UST: variants seen among roughly 807,000 people sequenced by gnomAD.
The protein encoded by UST is chondroitin sulfate 2-O-sulfotransferase.
In UST, 21 loss-of-function variants were observed where a neutral mutation model predicts 45.6. The observed-to-expected ratio is 0.46, with a 90% CI of 0.33 to 0.66. UST has a LOEUF of 0.66. UST is among the 30% of genes least tolerant of loss of function. The probability of loss-of-function intolerance (pLI) is 0.02; values close to 1 mark genes in which losing one functional copy is unlikely to be tolerated. For missense variants in UST, 463 were observed against 512.4 expected, an observed-to-expected ratio of 0.90 and a Z score of 0.93; for synonymous variants, 215 against 200.6, an observed-to-expected ratio of 1.07 and a Z score of -0.61.
In UST at chr6:148,934,270, C is replaced by T. The variant is rs1415196810; in HGVS notation, c.292-7009C>T. 6.6e-6 allele frequency among the ~76,000 whole-genome samples: 1 copy of T among 152,144 alleles called. No individual in the cohort carries two copies. The highest frequency in any genetic ancestry group is 1.5e-5 in the Non-Finnish European group (1 of 68,040). ...TATGGACAGTGAGGAACAGAATTGT[C>T]CCTGAATTCAGGCCTTGCACAGCCC... On this transcript the variant is annotated intron_variant, in intron 2 of 7. Transcript: ENST00000367463. This position sits in a 1 kb window ranked among gnomAD's most constrained non-coding sequence, Gnocchi z 4.1.
At chr6:149,024,634 A>C (rs1190456173) in intron 7 of UST, among the ~76,000 whole-genome samples, 1 of 152,154 alleles carries the variant, frequency 6.6e-6, no homozygotes, top group Non-Finnish European at 1.5e-5. Flanking sequence ...ACCACAACTG[A>C]GTTGGTGTCA....
chr6:148,799,423 C>T (rs1250176478), intron 1 of UST, among the ~76,000 whole-genome samples: 1 of 152,040 alleles, frequency 6.6e-6, no homozygotes, highest in East Asian at 1.9e-4. Context: ...GTTTTTGGCC[C>T]AAAGTGGTCA....
intron 1 of UST, among the ~76,000 whole-genome samples, chr6:148,785,408 G>A (rs1351360599): frequency 6.6e-6 from 1 of 152,118 alleles, no homozygotes; most frequent in Admixed American, 6.5e-5. Flanking sequence ...ATACAAATGA[G>A]GACTATGATA....
chr6:148,867,167 A>G (rs991683683), intron 1 of UST, among the ~76,000 whole-genome samples: 2 of 152,074 alleles, frequency 1.3e-5, no homozygotes, highest in African/African-American at 4.8e-5. Flanking sequence ...GTAGAGAAAA[A>G]TCTGTGAAAC....
At chr6:148,972,482 G>A (rs892143445) in intron 5 of UST, among the ~76,000 whole-genome samples, 1 of 152,246 alleles carries the variant, frequency 6.6e-6, no homozygotes, top group African/African-American at 2.4e-5. Context: ...CTTGGGTACA[G>A]TAAAGTGTTT....
intron 1 of UST, among the ~76,000 whole-genome samples, chr6:148,835,903 G>A (rs1411870668): frequency 6.6e-6 from 1 of 152,162 alleles, no homozygotes; most frequent in African/African-American, 2.4e-5. Flanking sequence ...ATTTAAAGAT[G>A]GGTATGTGTT....
intron 1 of UST, among the ~76,000 whole-genome samples, chr6:148,827,725 T>TAAA (rs200443668): frequency 1.1e-4 from 13 of 118,354 alleles, no homozygotes; most frequent in African/African-American, 3.9e-4. Context: ...TTCTAGTTTG[T>TAAA]AAAAAAAAAA....
chr6:148,815,816 T>C (rs1189385078), intron 1 of UST, among the ~76,000 whole-genome samples: 1 of 152,194 alleles, frequency 6.6e-6, no homozygotes, highest in Non-Finnish European at 1.5e-5. Flanking sequence ...AAATAGTTGA[T>C]TATATGAACT....
At chr6:148,860,010 G>GT (rs981664165) in intron 1 of UST, among the ~76,000 whole-genome samples, 4 of 152,248 alleles carry the variant, frequency 2.6e-5, no homozygotes, top group Non-Finnish European at 4.4e-5. Flanking sequence ...CTTTAAAGTA[G>GT]TTTTTTTCCA....
intron 7 of UST, among the ~76,000 whole-genome samples, chr6:149,041,312 C>G (rs1776310751): frequency 6.6e-6 from 1 of 152,258 alleles, no homozygotes; most frequent in Admixed American, 6.5e-5. Flanking sequence ...GGGCAAAGAA[C>G]ACCTCCTCTT....
intron 1 of UST, among the ~76,000 whole-genome samples, chr6:148,788,632 A>C (rs62428490): frequency 0.079 from 12,073 of 152,256 alleles, 683 homozygotes; most frequent in Non-Finnish European, 0.12. Context: ...AAAATGATCC[A>C]AAATGTTGAC....
intron 1 of UST, among the ~76,000 whole-genome samples, chr6:148,874,864 T>C (rs1778619393): frequency 6.6e-6 from 1 of 152,140 alleles, no homozygotes; most frequent in Non-Finnish European, 1.5e-5. Context: ...CGGTGGAAAG[T>C]GTGGCATTAG....
chr6:148,796,623 C>CAA lies in UST; in HGVS notation c.247+48969_247+48970dup, dbSNP rs11465084. On this transcript the variant is annotated intron_variant, in intron 1 of 7. Coordinates refer to ENST00000367463, the MANE Select transcript of UST (RefSeq NM_005715.3). Reference sequence around the variant, plus strand: ...TGGACGACAGGGCAAGACTCTGTCTCAAAAAAAAAAAAAAAAAAAAAAAAG... The same window carrying CAA: ...TGGACGACAGGGCAAGACTCTGTCTCAAAAAAAAAAAAAAAAAAAAAAAAAAG... Among the ~76,000 whole-genome samples, 652 of 88,616 alleles carry CAA rather than the reference C, an allele frequency of 7.4e-3. 40 individuals carry two copies. The highest frequency in any genetic ancestry group is 9.0e-3 in the Non-Finnish European group (422 of 46,744). The allele number at this position is 88,616 out of a possible 152,430, so 58.1% of individuals were successfully genotyped here. A position where few individuals can be genotyped will look rare whatever the true frequency, so the allele number is the denominator to read the frequency against.
chr6:148,996,423 T>C (rs1781453669), intron 5 of UST, among the ~76,000 whole-genome samples: 2 of 152,214 alleles, frequency 1.3e-5, no homozygotes, highest in Non-Finnish European at 2.9e-5. Context: ...TTTGCCATGT[T>C]GGCCAAGCTG....
Position 149,074,399 on chromosome 6 carries a change from G to A in UST, c.*283G>A, listed in dbSNP as rs1287844405. ...AGCTTTCCCCCACCCCATATCATGG[G>A]AAAAGGGGGAGAAATATAGCCCCTA... On this transcript the variant is annotated 3_prime_UTR_variant, in exon 8 of 8. Coordinates refer to ENST00000367463, the MANE Select transcript of UST (RefSeq NM_005715.3). The A allele has an allele frequency of 4.7e-6, 2 of 430,100 alleles. No homozygotes were observed. Among genetic ancestry groups the A allele is most frequent in the Non-Finnish European group, 8.3e-6 (2 of 240,226 alleles). 26.6% of individuals were successfully genotyped at this position (430,100 alleles called of 1,614,324 possible). A position where few individuals can be genotyped will look rare whatever the true frequency, so the allele number is the denominator to read the frequency against.
intron 2 of UST, among the ~76,000 whole-genome samples, chr6:148,935,750 G>T (rs150763440): frequency 4.6e-5 from 7 of 152,306 alleles, no homozygotes; most frequent in African/African-American, 1.7e-4. Flanking sequence ...TCAGGGGAAG[G>T]AGGGAAGGGA....
intron 1 of UST, among the ~76,000 whole-genome samples, chr6:148,870,145 G>A (rs1032326650): frequency 7.7e-5 from 8 of 103,918 alleles, no homozygotes; most frequent in Non-Finnish European, 1.4e-4. Context: ...CACACACAGT[G>A]GCAGCAGGAA....
chr6:148,756,118 G>A (rs1229872616), intron 1 of UST, among the ~76,000 whole-genome samples: 1 of 148,048 alleles, frequency 6.8e-6, no homozygotes, highest in Non-Finnish European at 1.5e-5. Flanking sequence ...TTGGTTTTTT[G>A]TCCTTGTGAT....
At chr6:148,885,330 C>T (rs1336177975) in intron 1 of UST, among the ~76,000 whole-genome samples, 1 of 152,186 alleles carries the variant, frequency 6.6e-6, no homozygotes, top group African/African-American at 2.4e-5. Flanking sequence ...GCCGCACCAG[C>T]TGCACGGTGG....
Sources: allele counts gnomAD v4.1 joint callset (sites outside exome capture counted in the v4.1 genomes callset), GRCh38; gene constraint gnomAD v4.1.1; non-coding constraint Gnocchi (gnomAD v3.1); transcripts MANE v1.5; gene names NCBI Gene and HGNC (gene_info 2026-07-23, HGNC 2026-07-21).